CLSTN2: variants seen among roughly 807,000 people sequenced by gnomAD.
CLSTN2 encodes calsyntenin-2.
Under a neutral mutation model 101.2 loss-of-function variants are expected in CLSTN2, and 48 were observed. The observed-to-expected ratio is 0.47, with a 90% confidence interval of 0.38 to 0.60. The LOEUF is 0.60. CLSTN2 is among the 20% of genes least tolerant of loss of function. CLSTN2 has a pLI of 0.00. For missense variants in CLSTN2, 1,160 were observed against 1,238.2 expected, an observed-to-expected ratio of 0.94 and a Z score of 0.95; for synonymous variants, 481 against 463.6, an observed-to-expected ratio of 1.04 and a Z score of -0.48.
Position 140,273,730 on chromosome 3 carries a change from C to T in CLSTN2, c.232+97657C>T, listed in dbSNP as rs562806148. Among the ~76,000 whole-genome samples the T allele has an allele frequency of 2.0e-5, 3 of 152,264 alleles. No individual in the cohort carries two copies. The South Asian group carries it at 6.2e-4, about 32-fold the overall frequency. On this transcript the variant is annotated intron_variant, in intron 2 of 16. Coordinates refer to ENST00000458420, the MANE Select transcript of CLSTN2 (RefSeq NM_022131.3). The stretch of plus-strand genomic sequence containing the variant: ...AGAAGCAATTCCTCAGGGTAACTCG[C>T]CCACTCTACTGACTCATAGTGGTGG...
intron 1 of CLSTN2, among the ~76,000 whole-genome samples, chr3:140,095,380 A>G (rs1282119717): frequency 1.3e-5 from 2 of 152,198 alleles, no homozygotes; most frequent in Admixed American, 6.5e-5. Flanking sequence ...TTGCTTAACC[A>G]TATTCTTTGA....
intron 1 of CLSTN2, among the ~76,000 whole-genome samples, chr3:140,003,733 T>C (rs1473261853): frequency 6.6e-6 from 1 of 152,226 alleles, no homozygotes; most frequent in African/African-American, 2.4e-5. Context: ...AATTTTTTGA[T>C]GAAGGGATGT....
chr3:140,403,922 C>T (rs2088274258), intron 3 of CLSTN2, 98 bp downstream of exon 3: 3 of 1,015,692 alleles, frequency 3.0e-6, no homozygotes, highest in Admixed American at 2.6e-5. Context: ...CCTCTTGTCA[C>T]ACAATGGTGC....
intron 6 of CLSTN2, among the ~76,000 whole-genome samples, chr3:140,453,050 G>T (rs6439925): frequency 0.44 from 66,185 of 152,070 alleles, 17,223 homozygotes; most frequent in African/African-American, 0.74. Context: ...CAAATTAAAT[G>T]TGACATTAAC....
At chr3:140,242,199 A>C (rs1194052793) in intron 2 of CLSTN2, among the ~76,000 whole-genome samples, 1 of 152,128 alleles carries the variant, frequency 6.6e-6, no homozygotes, top group Non-Finnish European at 1.5e-5. Flanking sequence ...GGTGTGAGCC[A>C]CTGCACCCAG....
chr3:140,403,720 C>T lies in CLSTN2; in HGVS notation c.324C>T (p.Ala108=). The T allele has an allele frequency of 6.2e-7, 1 of 1,614,134 alleles. No homozygotes were observed. Among genetic ancestry groups the T allele is most frequent in the Non-Finnish European group, 8.5e-7 (1 of 1,179,972 alleles). ...NKTSGEGRLR[A]KSPIDCELQK... ...CATCAGGAGAGGGCCGGCTCCGTGC[C>T]AAGAGCCCCATTGACTGTGAGTTGC... is the stretch of plus-strand genomic sequence containing the variant. The change falls in exon 3 of 17, where the codon GCC becomes GCT. Residue 108 remains alanine, a synonymous_variant. Transcript: ENST00000458420.
At chr3:140,404,149 C>T (rs996735149) in intron 3 of CLSTN2, among the ~76,000 whole-genome samples, 57 of 152,354 alleles carry the variant, frequency 3.7e-4, no homozygotes, top group African/African-American at 1.2e-3. Flanking sequence ...GGGCCTCTGC[C>T]GTGCCATAAG....
intron 2 of CLSTN2, among the ~76,000 whole-genome samples, chr3:140,270,994 A>G (rs2086737295): frequency 6.6e-6 from 1 of 152,142 alleles, no homozygotes; most frequent in Non-Finnish European, 1.5e-5. Flanking sequence ...CAACAGAGTA[A>G]TTTAAGAGGG....
chr3:140,376,041 A>G (rs1290766686), intron 2 of CLSTN2, among the ~76,000 whole-genome samples: 2 of 152,194 alleles, frequency 1.3e-5, no homozygotes, highest in African/African-American at 4.8e-5. Flanking sequence ...CAAAAACTAT[A>G]ATCTCCCTGT....
At chr3:139,980,994 G>A (rs1164708870) in intron 1 of CLSTN2, among the ~76,000 whole-genome samples, 1 of 152,024 alleles carries the variant, frequency 6.6e-6, no homozygotes, top group East Asian at 1.9e-4. Context: ...GAAATTAATG[G>A]TGTGTGCTAT....
In CLSTN2 at chr3:140,403,516, C is replaced by T. The variant is rs541780328; in HGVS notation, c.233-113C>T. 1.5e-3 allele frequency: 1,325 copies of T among 866,302 alleles called. 10 individuals are homozygous for T. Among genetic ancestry groups the T allele is most frequent in the South Asian group, 4.6e-3 (282 of 61,906 alleles). 53.7% of individuals were successfully genotyped at this position (866,302 alleles called of 1,614,324 possible). A position where few individuals can be genotyped will look rare whatever the true frequency, so the allele number is the denominator to read the frequency against. ...GCTGGCTCGTGGACCACACTATGTGCGTGGAAGAAATTGCATGGAGGCTTT... is the reference window on the plus strand; with the variant it reads ...GCTGGCTCGTGGACCACACTATGTGTGTGGAAGAAATTGCATGGAGGCTTT... On this transcript the variant is annotated intron_variant, in intron 2 of 16. Coordinates refer to ENST00000458420, the MANE Select transcript of CLSTN2 (RefSeq NM_022131.3).
chr3:140,286,268 G>A (rs549519750), intron 2 of CLSTN2, among the ~76,000 whole-genome samples: 1 of 152,314 alleles, frequency 6.6e-6, no homozygotes, highest in African/African-American at 2.4e-5. Flanking sequence ...ATACCTGGCT[G>A]TGGTTTTCCG....
chr3:140,567,151 C>G lies in CLSTN2; in HGVS notation c.*898C>G, dbSNP rs971913674. ...AAGGACAGTCACAACAAGCCTAGAG[C>G]CAGAAAGCAGATGGAAATGCTAATG... On this transcript the variant is annotated 3_prime_UTR_variant, in exon 17 of 17. Coordinates refer to ENST00000458420, the MANE Select transcript of CLSTN2 (RefSeq NM_022131.3). 2 of 152,356 alleles carry G rather than the reference C, an allele frequency of 1.3e-5. No homozygotes were observed. The highest frequency in any genetic ancestry group is 2.4e-5 in the African/African-American group (1 of 41,424). The allele number at this position is 152,356 out of a possible 1,614,324, so 9.4% of individuals were successfully genotyped here. A position where few individuals can be genotyped will look rare whatever the true frequency, so the allele number is the denominator to read the frequency against.
intron 8 of CLSTN2, among the ~76,000 whole-genome samples, chr3:140,512,519 T>A (rs2107768743): frequency 6.6e-6 from 1 of 152,256 alleles, no homozygotes; most frequent in East Asian, 1.9e-4. Flanking sequence ...ATTACTATAG[T>A]CTTGTAGTGT....
At chr3:140,211,989 C>T (rs2010861740) in intron 2 of CLSTN2, among the ~76,000 whole-genome samples, 1 of 152,176 alleles carries the variant, frequency 6.6e-6, no homozygotes, top group African/African-American at 2.4e-5. Flanking sequence ...TAGATTTTCC[C>T]TGCACCATCC....
chr3:140,375,995 T>A (rs1559852574), intron 2 of CLSTN2, among the ~76,000 whole-genome samples: 1 of 152,188 alleles, frequency 6.6e-6, no homozygotes, highest in Non-Finnish European at 1.5e-5. Context: ...AAGTGCAGTT[T>A]AGGATGTTTA....
chr3:140,305,652 T>C (rs1217205854), intron 2 of CLSTN2, among the ~76,000 whole-genome samples: 2 of 152,064 alleles, frequency 1.3e-5, no homozygotes, highest in African/African-American at 4.8e-5. Flanking sequence ...GAATGACACA[T>C]TTACAGGACA....
At chr3:140,553,076 CTG>C (rs1339752310) in intron 10 of CLSTN2, among the ~76,000 whole-genome samples, 3 of 152,200 alleles carry the variant, frequency 2.0e-5, no homozygotes, top group African/African-American at 4.8e-5. Context: ...CAGACACTGA[CTG>C]TGGCATCAAC....
At chr3:139,949,091 C>G (rs73224947) in intron 1 of CLSTN2, among the ~76,000 whole-genome samples, 6 of 152,276 alleles carry the variant, frequency 3.9e-5, no homozygotes, top group African/African-American at 1.2e-4. Context: ...AGGCCTCCCC[C>G]ACGCTGTCAG....
Sources: gnomAD v4.1 joint callset for allele counts (sites outside exome capture counted in the v4.1 genomes callset) on GRCh38, gnomAD v4.1.1 for gene constraint, MANE v1.5 for transcripts, NCBI Gene and HGNC (gene_info 2026-07-23, HGNC 2026-07-21) for gene names.